FYB2: variants seen among roughly 807,000 people sequenced by gnomAD.
FYB2 encodes FYN binding protein 2.
A neutral mutation model predicts 94.1 loss-of-function variants in FYB2; 103 were observed. The observed-to-expected ratio is 1.09, with a 90% CI of 0.93 to 1.29. FYB2 has a LOEUF of 1.29. Among genes scored for constraint, FYB2 ranks in the 50% most tolerant of loss-of-function variants. The pLI is 0.00. For missense variants in FYB2, 896 were observed against 841.5 expected (o/e 1.06, Z -0.80); for synonymous variants, 293 against 287.9 (o/e 1.02, Z -0.18).
chr1:56,781,106 G>C (rs1645999109), intron 4 of FYB2, among the ~76,000 whole-genome samples: 1 of 152,202 alleles, frequency 6.6e-6, no homozygotes, highest in Non-Finnish European at 1.5e-5. Flanking sequence ...TCAGGAAAGA[G>C]CACTGTAGTT....
intron 1 of FYB2, among the ~76,000 whole-genome samples, 183 bp downstream of exon 1, chr1:56,819,099 C>T (rs1033647964): frequency 6.7e-6 from 1 of 148,562 alleles, no homozygotes; most frequent in African/African-American, 2.5e-5. Flanking sequence ...CTCCTCTTCC[C>T]TCCCACCCGC....
chr1:56,751,098 G>A lies in FYB2; in HGVS notation c.1333C>T (p.Gln445Ter). 1 of 1,612,886 alleles carries A rather than the reference G, an allele frequency of 6.2e-7. No individual in the cohort carries two copies. The highest frequency in any genetic ancestry group is 8.5e-7 in the Non-Finnish European group (1 of 1,179,250). The part of the protein sequence containing the change: ...GKQEAMIDII[Q>*]TNPCPEGPKL... ...GGGCCCTCAGGGCAGGGATTTGTCT[G>A]GATGATGTCAATCATGGCCTCTTGC... is the stretch of plus-strand genomic sequence containing the variant. The change falls in exon 9 of 20, where the codon CAG becomes TAG. Residue 445 changes from glutamine (Q) to a stop codon, truncating the protein, a stop_gained. Coordinates refer to ENST00000343433, the MANE Select transcript of FYB2 (RefSeq NM_001004303.5). LOFTEE classifies it high-confidence loss of function.
rs527313757 is a variant in FYB2, at chr1:56,771,276, C to A, written c.954-3338G>T. On this transcript the variant is annotated intron_variant, in intron 4 of 19. Transcript: ENST00000343433. Reference sequence around the variant, plus strand: ...TGGGATGTGTTCATATGAGGAAATACAATACAGCAATTATGATGAACAAAT... The same window carrying A: ...TGGGATGTGTTCATATGAGGAAATAAAATACAGCAATTATGATGAACAAAT... 3.0e-4 allele frequency among the ~76,000 whole-genome samples: 45 copies of A among 152,018 alleles called. No individual in the cohort carries two copies. In the South Asian group the frequency reaches 8.9e-3, roughly 30 times the overall value.
At chr1:56,740,370 G>A (rs187026582) in intron 13 of FYB2, among the ~76,000 whole-genome samples, 100 of 152,240 alleles carry the variant, frequency 6.6e-4, no homozygotes, top group African/African-American at 2.3e-3. Context: ...GACATGGTAA[G>A]TAATGCTTAG....
intron 2 of FYB2, among the ~76,000 whole-genome samples, chr1:56,790,827 G>A (rs950390849): frequency 6.6e-6 from 1 of 152,188 alleles, no homozygotes; most frequent in South Asian, 2.1e-4. Flanking sequence ...ATAGAGAGAG[G>A]TTAGAGAAAG....
At chr1:56,823,810 A>G (rs761727648), upstream of FYB2, 1 of 152,218 alleles carries the variant, frequency 6.6e-6, no homozygotes, top group Non-Finnish European at 1.5e-5. Flanking sequence ...TGCCAGTTAC[A>G]TTATGTATGC....
At chr1:56,727,792 C>T (rs1275496796) in intron 15 of FYB2, among the ~76,000 whole-genome samples, 2 of 152,070 alleles carry the variant, frequency 1.3e-5, no homozygotes, top group Admixed American at 6.6e-5. Context: ...ATTCGTTTTA[C>T]CATGTTTTAC....
At chr1:56,811,242 TTCTC>T (rs1202123045) in intron 1 of FYB2, among the ~76,000 whole-genome samples, 1 of 152,196 alleles carries the variant, frequency 6.6e-6, no homozygotes, top group Non-Finnish European at 1.5e-5. Context: ...CTATACGAGT[TTCTC>T]TCTCTCAGAA....
At chr1:56,812,943 A>T (rs1426161122) in intron 1 of FYB2, among the ~76,000 whole-genome samples, 3 of 152,220 alleles carry the variant, frequency 2.0e-5, no homozygotes, top group Non-Finnish European at 4.4e-5. Context: ...AGAGAAATGT[A>T]TTGCCTTACA....
intron 4 of FYB2, among the ~76,000 whole-genome samples, chr1:56,779,574 G>A (rs186244037): frequency 2.2e-3 from 333 of 152,258 alleles, no homozygotes; most frequent in Non-Finnish European, 3.6e-3. Flanking sequence ...AAGGCAAAAT[G>A]TATACAGAAC....
At chr1:56,801,646 C>G (rs1646522507) in intron 1 of FYB2, among the ~76,000 whole-genome samples, 1 of 152,196 alleles carries the variant, frequency 6.6e-6, no homozygotes, top group Non-Finnish European at 1.5e-5. Flanking sequence ...CTGGACACCC[C>G]CTTTCATCTT....
intron 1 of FYB2, among the ~76,000 whole-genome samples, chr1:56,811,800 A>G (rs935427814): frequency 6.6e-5 from 10 of 152,294 alleles, no homozygotes; most frequent in South Asian, 6.2e-4. Context: ...AGCAACATAC[A>G]CTTTTGGATG....
chr1:56,749,417 T>C (rs1204903860), intron 9 of FYB2, among the ~76,000 whole-genome samples: 4 of 152,008 alleles, frequency 2.6e-5, no homozygotes, highest in Non-Finnish European at 4.4e-5. Context: ...AGAATGAATT[T>C]TGGATAATTT....
intron 4 of FYB2, among the ~76,000 whole-genome samples, chr1:56,776,241 C>T (rs552397077): frequency 1.1e-3 from 160 of 152,250 alleles, no homozygotes; most frequent in Non-Finnish European, 1.4e-3. Context: ...GTTAGGCTGA[C>T]CCAAGAGTTC....
intron 1 of FYB2, among the ~76,000 whole-genome samples, chr1:56,814,268 A>G (rs1025944123): frequency 5.3e-5 from 8 of 152,212 alleles, no homozygotes; most frequent in Admixed American, 3.3e-4. Context: ...TTTATCATCC[A>G]GGCCACAGAG....
chr1:56,789,239 C>A, intron 2 of FYB2, 105 bp from the exon 3 acceptor site: 1 of 1,276,490 alleles, frequency 7.8e-7, no homozygotes, highest in Non-Finnish European at 1.1e-6. Context: ...CCAATCTATT[C>A]TCCACCCAAC....
At chr1:56,753,797 C>A (rs1232193678) in intron 8 of FYB2, 42 bp downstream of exon 8, 1 of 1,402,522 alleles carries the variant, frequency 7.1e-7, no homozygotes, top group Non-Finnish European at 1.0e-6. Flanking sequence ...ATGAACTGAT[C>A]TGTTATATGT....
chr1:56,802,605 T>A (rs1342372), intron 1 of FYB2, among the ~76,000 whole-genome samples: 149,789 of 152,302 alleles, frequency 0.98, 73,701 homozygotes, highest in Middle Eastern at 1. Context: ...AGAGTAAAAA[T>A]TGAGTTGAGC....
intron 5 of FYB2, among the ~76,000 whole-genome samples, chr1:56,766,600 C>G (rs945598776): frequency 6.6e-6 from 1 of 152,000 alleles, no homozygotes; most frequent in Non-Finnish European, 1.5e-5. Flanking sequence ...CCACACCTGG[C>G]TAAATTTTTT....
Sources: allele counts gnomAD v4.1 joint callset (sites outside exome capture counted in the v4.1 genomes callset), GRCh38; gene constraint gnomAD v4.1.1; transcripts MANE v1.5; gene names NCBI Gene and HGNC (gene_info 2026-07-23, HGNC 2026-07-21).